NXPE2: variants seen among roughly 807,000 people sequenced by gnomAD.
NXPE2 encodes neurexophilin and PC-esterase domain family member 2.
A neutral mutation model predicts 34.4 loss-of-function variants in NXPE2; 34 were observed. That is an observed-to-expected ratio of 0.99 (90% confidence interval 0.75 to 1.31). The LOEUF is 1.31. Ranked by LOEUF, NXPE2 falls within the 40% of genes most tolerant of loss-of-function variation. NXPE2 has a pLI of 0.00. For missense variants in NXPE2, 649 were observed against 672.5 expected (o/e 0.97, Z 0.39); for synonymous variants, 235 against 231.3 (o/e 1.02, Z -0.15).
chr11:114,601,703 T>TAA, the NXPE2 span, among the ~76,000 whole-genome samples: 1 of 66,946 alleles, frequency 1.5e-5, no homozygotes, highest in African/African-American at 7.4e-5. Flanking sequence ...TTTATAATTC[T>TAA]TTATATATTA....
the NXPE2 span, among the ~76,000 whole-genome samples, chr11:114,491,951 T>A: frequency 6.6e-6 from 1 of 152,146 alleles, no homozygotes; most frequent in African/African-American, 2.4e-5. Context: ...TAGGTGGGAA[T>A]TGAACAATGA....
the NXPE2 span, chr11:114,554,436 T>C: frequency 7.4e-6 from 7 of 950,154 alleles, no homozygotes; most frequent in East Asian, 2.3e-4. Context: ...CTTTGTGACA[T>C]GGGCCCTTTG....
the NXPE2 span, among the ~76,000 whole-genome samples, chr11:114,640,615 T>C: frequency 6.6e-6 from 1 of 151,914 alleles, no homozygotes; most frequent in Non-Finnish European, 1.5e-5. Context: ...TTCACGAACA[T>C]CTGTTGGTTT....
chr11:114,506,454 T>C, the NXPE2 span, among the ~76,000 whole-genome samples: 6 of 152,142 alleles, frequency 3.9e-5, no homozygotes, highest in African/African-American at 1.4e-4. Context: ...ACATGGCACA[T>C]ACTTTTAAAT....
chr11:114,528,769 G>C, the NXPE2 span: 1 of 633,862 alleles, frequency 1.6e-6, no homozygotes, highest in Non-Finnish European at 2.9e-6. Flanking sequence ...GGACCCAGGT[G>C]CCAAGTATAA....
the NXPE2 span, among the ~76,000 whole-genome samples, chr11:114,774,225 A>G: frequency 6.6e-6 from 1 of 152,208 alleles, no homozygotes; most frequent in African/African-American, 2.4e-5. Flanking sequence ...CCTGTTCACT[A>G]TCACTAAGGG....
chr11:114,810,579 A>G, the NXPE2 span, among the ~76,000 whole-genome samples: 1 of 152,134 alleles, frequency 6.6e-6, no homozygotes, highest in African/African-American at 2.4e-5. Context: ...CAAAAAACAC[A>G]TGAAAAAATG....
the NXPE2 span, among the ~76,000 whole-genome samples, chr11:114,620,418 G>C: frequency 1.3e-5 from 2 of 152,038 alleles, no homozygotes; most frequent in African/African-American, 4.8e-5. Flanking sequence ...AATAAGTGTT[G>C]AGTCATGGGT....
chr11:114,703,689 GATAGATAGATGATAGATAGATA>G (rs1373391021), intron 3 of NXPE2, among the ~76,000 whole-genome samples: 17 of 17,288 alleles, frequency 9.8e-4, no homozygotes, highest in African/African-American at 5.9e-3. Flanking sequence ...TAGATAGATA[GATAGATAGATGATAGATAGATA>G]GATAGACAGA....
chr11:114,502,606 G>A, the NXPE2 span, among the ~76,000 whole-genome samples: 1 of 152,128 alleles, frequency 6.6e-6, no homozygotes, highest in African/African-American at 2.4e-5. Context: ...CCTGTGTGAT[G>A]TTTTTTCTAG....
At chr11:114,681,068 G>A (rs1464797127) in intron 2 of NXPE2, among the ~76,000 whole-genome samples, 2 of 152,164 alleles carry the variant, frequency 1.3e-5, no homozygotes, top group African/African-American at 2.4e-5. Context: ...TCCACAAGCT[G>A]ATCAGCCACT....
chr11:114,575,956 T>C, the NXPE2 span, among the ~76,000 whole-genome samples: 3 of 151,990 alleles, frequency 2.0e-5, no homozygotes, highest in Admixed American at 6.6e-5. Flanking sequence ...AACTATACTA[T>C]AAGGCCATAG....
At chr11:114,585,230 CT>C in the NXPE2 span, among the ~76,000 whole-genome samples, 1 of 151,598 alleles carries the variant, frequency 6.6e-6, no homozygotes, top group Non-Finnish European at 1.5e-5. Context: ...TCCTGCCATC[CT>C]CCACCTGCAG....
downstream of NXPE2, among the ~76,000 whole-genome samples, chr11:114,710,279 A>G (rs1438868612): frequency 6.6e-6 from 1 of 152,206 alleles, no homozygotes; most frequent in Non-Finnish European, 1.5e-5. Context: ...TAAAGTAAAC[A>G]TAAACCATAG....
chr11:114,791,190 A>G, the NXPE2 span, among the ~76,000 whole-genome samples: 2 of 152,180 alleles, frequency 1.3e-5, no homozygotes, highest in Non-Finnish European at 2.9e-5. Flanking sequence ...TGAAAAAAAA[A>G]AAAAGGGTGA....
At chr11:114,749,435 A>G in the NXPE2 span, among the ~76,000 whole-genome samples, 2 of 151,978 alleles carry the variant, frequency 1.3e-5, no homozygotes, top group Non-Finnish European at 2.9e-5. Context: ...TGGGGTCAGC[A>G]CTCTATCTGC....
chr11:114,681,106 G>A (rs1950942741), intron 2 of NXPE2, among the ~76,000 whole-genome samples: 1 of 152,110 alleles, frequency 6.6e-6, no homozygotes, highest in Non-Finnish European at 1.5e-5. Flanking sequence ...CCTCCAAAAT[G>A]TCTCTCAAGT....
the NXPE2 span, among the ~76,000 whole-genome samples, chr11:114,594,307 A>C: frequency 6.6e-6 from 1 of 152,308 alleles, no homozygotes; most frequent in Middle Eastern, 3.4e-3. Context: ...AAATACATAC[A>C]CCTACTTTGT....
At chr11:114,812,663 A>G in the NXPE2 span, among the ~76,000 whole-genome samples, 24 of 152,102 alleles carry the variant, frequency 1.6e-4, no homozygotes, top group African/African-American at 5.8e-4. Context: ...TGAGAGAATC[A>G]CCTTTTCCAG....
Sources: allele counts gnomAD v4.1 joint callset (sites outside exome capture counted in the v4.1 genomes callset), GRCh38; gene constraint gnomAD v4.1.1; transcripts MANE v1.5; gene names NCBI Gene and HGNC (gene_info 2026-07-23, HGNC 2026-07-21).